AHNAK: variants seen among roughly 807,000 people sequenced by gnomAD.
AHNAK encodes the protein AHNAK nucleoprotein, also known as neuroblast differentiation-associated protein AHNAK.
In AHNAK, 23 loss-of-function variants were observed where a neutral mutation model predicts 37.8. The observed-to-expected ratio is 0.61, with a 90% CI of 0.44 to 0.86. The LOEUF (loss-of-function observed/expected upper bound fraction) is 0.86, where lower values mean the gene tolerates loss of function less well. Among genes scored for constraint, AHNAK ranks in the 40% least tolerant of loss-of-function variants. The pLI is 0.00. For synonymous variants in AHNAK, 2,481 were observed against 2,636.3 expected, an observed-to-expected ratio of 0.94 and a Z score of 1.80; for missense variants, 7,411 against 7,319.4, an observed-to-expected ratio of 1.01 and a Z score of -0.46.
In AHNAK at chr11:62,523,305, C is replaced by A; in HGVS notation, c.11112G>T (p.Glu3704Asp). Residue 3704 changes from glutamate (E) to aspartate (D), a missense_variant, in exon 5 of 5, where the codon GAG becomes GAT. Transcript: ENST00000378024. ...PKVEGDLKGPEVDIKGPKVDI... is the reference protein window; with the variant it reads ...PKVEGDLKGPDVDIKGPKVDI... Reference sequence around the variant, plus strand: ...CCACTTTGGGGCCCTTGATGTCCACCTCAGGGCCTTTTAGATCACCTTCCA... The same window carrying A: ...CCACTTTGGGGCCCTTGATGTCCACATCAGGGCCTTTTAGATCACCTTCCA... 6.2e-7 allele frequency: 1 copy of A among 1,613,596 alleles called. No homozygotes were observed. Among genetic ancestry groups the A allele is most frequent in the Non-Finnish European group, 8.5e-7 (1 of 1,179,864 alleles).
At position 62,535,087 on chromosome 11, in the gene AHNAK, C is replaced by T. The variant is rs79854453; in HGVS notation, c.258G>A (p.Leu86=). The change falls in exon 4 of 5, where the codon CTG becomes CTA. Residue 86 remains leucine, a synonymous_variant. Coordinates refer to ENST00000378024, the MANE Select transcript of AHNAK (RefSeq NM_001620.3). ...TMGHHTVGLK[L]HRKGDRSPEP... Reference sequence around the variant, plus strand: ...CGGGAGAGCGGTCCCCCTTGCGGTGCAGCTTCAGGCCCACCGTGTGGTGCC... The same window carrying T: ...CGGGAGAGCGGTCCCCCTTGCGGTGTAGCTTCAGGCCCACCGTGTGGTGCC... 976 of 1,614,030 alleles carry T rather than the reference C, an allele frequency of 6.0e-4. 17 individuals carry two copies. In the East Asian group the frequency reaches 0.017, roughly 28 times the overall value.
chr11:62,525,113 C>A lies in AHNAK; in HGVS notation c.9304G>T (p.Gly3102Cys). The A allele has an allele frequency of 1.2e-6, 2 of 1,614,134 alleles. No homozygotes were observed. Among genetic ancestry groups the A allele is most frequent in the Non-Finnish European group, 1.7e-6 (2 of 1,180,036 alleles). The change falls in exon 5 of 5, where the codon GGT (glycine) becomes TGT (cysteine). Residue 3102 changes from glycine (G) to cysteine (C), a missense_variant. Coordinates refer to ENST00000378024, the MANE Select transcript of AHNAK (RefSeq NM_001620.3). Reference sequence around the variant, plus strand: ...TCCATGTCACCCTTCACTTTGGGACCTTTCAGGTTAAGATCAATGTCAGGC... The same window carrying A: ...TCCATGTCACCCTTCACTTTGGGACATTTCAGGTTAAGATCAATGTCAGGC... ...SMPDIDLNLK[G>C]PKVKGDMDVS...
At chr11:62,501,899 A>G (rs1003490152) in intron 4 of AHNAK, among the ~76,000 whole-genome samples, 2 of 152,226 alleles carry the variant, frequency 1.3e-5, no homozygotes, top group Admixed American at 6.5e-5. Flanking sequence ...CATCCCAGCC[A>G]GGCTTTCCAG....
At chr11:62,514,646 T>C (rs1011456861), downstream of AHNAK, among the ~76,000 whole-genome samples, 18 of 152,236 alleles carry the variant, frequency 1.2e-4, no homozygotes, top group African/African-American at 4.3e-4. Context: ...ACTCTGGCCC[T>C]ATGAATGCTG....
chr11:62,457,802 C>T (rs1218515682), intron 5 of AHNAK, among the ~76,000 whole-genome samples: 2 of 152,046 alleles, frequency 1.3e-5, no homozygotes, highest in African/African-American at 4.8e-5. Context: ...GGAATGGGGA[C>T]ATGGGCCGAA....
chr11:62,525,366 G>A lies in AHNAK; in HGVS notation c.9051C>T (p.Asp3017=), dbSNP rs1297879287. The change falls in exon 5 of 5, where the codon GAC becomes GAT. Residue 3017 remains aspartate, a synonymous_variant. Coordinates refer to ENST00000378024, the MANE Select transcript of AHNAK (RefSeq NM_001620.3). ...DVPDVGVQGP[D]WHLKMPKVKM... is the part of the protein sequence containing the mutation. ...TCACTTTGGGCATTTTTAGGTGCCAGTCTGGGCCTTGAACGCCCACATCCG... is the reference window on the plus strand; with the variant it reads ...TCACTTTGGGCATTTTTAGGTGCCAATCTGGGCCTTGAACGCCCACATCCG... The A allele has an allele frequency of 1.2e-6, 2 of 1,613,418 alleles. No individual in the cohort carries two copies. The highest frequency in any genetic ancestry group is 2.2e-5 in the East Asian group (1 of 44,846).
intron 5 of AHNAK, among the ~76,000 whole-genome samples, chr11:62,435,815 T>C (rs998576188): frequency 1.3e-5 from 2 of 152,182 alleles, no homozygotes; most frequent in Admixed American, 1.3e-4. Context: ...CCCAAAGTGC[T>C]GGGATTGCAG....
At chr11:62,541,264 C>G (rs534432739) in intron 1 of AHNAK, among the ~76,000 whole-genome samples, 38 of 152,346 alleles carry the variant, frequency 2.5e-4, no homozygotes, top group Admixed American at 1.5e-3. Context: ...AGGCGGGACA[C>G]AGGAGGCAAC....
chr11:62,492,360 T>A (rs938626637), intron 4 of AHNAK, among the ~76,000 whole-genome samples: 2 of 152,116 alleles, frequency 1.3e-5, no homozygotes, highest in Admixed American at 1.3e-4. Flanking sequence ...CCTTACACAG[T>A]AGATCTCCAA....
chr11:62,486,094 C>T (rs1017600240), intron 5 of AHNAK, among the ~76,000 whole-genome samples: 1 of 151,680 alleles, frequency 6.6e-6, no homozygotes, highest in Non-Finnish European at 1.5e-5. Context: ...TAGATGAACC[C>T]TGAAAGTGAA....
intron 5 of AHNAK, among the ~76,000 whole-genome samples, chr11:62,473,390 A>C (rs1299213124): frequency 8.7e-4 from 2 of 2,302 alleles, no homozygotes; most frequent in South Asian, 0.018. Flanking sequence ...ACTCCATCTA[A>C]AAAAAAAAAA....
chr11:62,534,137 C>T, intron 4 of AHNAK, 63 bp from the exon 5 acceptor site: 1 of 1,476,096 alleles, frequency 6.8e-7, no homozygotes, highest in Non-Finnish European at 9.0e-7. Context: ...AGATGCCCGG[C>T]CACAGCCCAG....
In AHNAK at chr11:62,527,675, T is replaced by A; in HGVS notation, c.6742A>T (p.Met2248Leu). ...DWHLKMPKMK[M>L]PKFSMPGFKG... is the part of the protein sequence containing the mutation. ...AAGCCAGGCATGCTGAACTTGGGCA[T>A]TTTCATCTTAGGCATCTTCAGGTGC... is the stretch of plus-strand genomic sequence containing the variant. Residue 2248 changes from methionine (M) to leucine (L), a missense_variant, in exon 5 of 5, where the codon ATG becomes TTG. Transcript: ENST00000378024. 6.2e-7 allele frequency: 1 copy of A among 1,614,026 alleles called. No homozygotes were observed. The highest frequency in any genetic ancestry group is 1.1e-5 in the South Asian group (1 of 91,082).
downstream of AHNAK, among the ~76,000 whole-genome samples, chr11:62,515,433 C>T (rs1939990695): frequency 1.3e-5 from 2 of 152,246 alleles, no homozygotes. Flanking sequence ...AGGAAAATCG[C>T]TTGAACCCAG....
chr11:62,474,075 T>G (rs116566230), intron 5 of AHNAK, among the ~76,000 whole-genome samples: 5,842 of 151,894 alleles, frequency 0.038, 390 homozygotes, highest in African/African-American at 0.13. Context: ...TGTATACATA[T>G]ATCAAATATG....
chr11:62,525,703 G>T lies in AHNAK; in HGVS notation c.8714C>A (p.Pro2905His). The change falls in exon 5 of 5, where the codon CCT becomes CAT. Residue 2905 changes from proline to histidine, a missense_variant. By Grantham distance (77) the Pro-to-His change is moderately conservative. Coordinates refer to ENST00000378024, the MANE Select transcript of AHNAK (RefSeq NM_001620.3). ...TTCAGGGCCCTCTGCTTTGAAGCCA[G>T]GCATGCTGAACTTGGGCATTTTCAT... Reference protein sequence around the residue: ...PKMKMPKFSMPGFKAEGPEVD... With the variant: ...PKMKMPKFSMHGFKAEGPEVD... 1 of 1,613,572 alleles carries T rather than the reference G, an allele frequency of 6.2e-7. No homozygotes were observed. The highest frequency in any genetic ancestry group is 8.5e-7 in the Non-Finnish European group (1 of 1,179,936).
chr11:62,481,643 T>TCTTGGCTCACTGCAAGCTCGG lies in AHNAK; in HGVS notation c.442+10088_442+10089insCCGAGCTTGCAGTGAGCCAAG, dbSNP rs1555024240. 4.0e-5 allele frequency among the ~76,000 whole-genome samples: 6 copies of TCTTGGCTCACTGCAAGCTCGG among 150,978 alleles called. No homozygotes were observed. In the East Asian group the frequency reaches 1.2e-3, roughly 30 times the overall value. Reference sequence around the variant, plus strand: ...CCTAGGCTGGAGTGCAGTGACACGATCTTGGCTCACTGCAAGCTCCGCCTC... The same window carrying TCTTGGCTCACTGCAAGCTCGG: ...CCTAGGCTGGAGTGCAGTGACACGATCTTGGCTCACTGCAAGCTCGGCTTGGCTCACTGCAAGCTCCGCCTC... On this transcript the variant is annotated intron_variant, in intron 5 of 5. Transcript: ENST00000257247.
At position 62,516,159 on chromosome 11, in the gene AHNAK, C is replaced by G; in HGVS notation, c.*585G>C. On this transcript the variant is annotated 3_prime_UTR_variant, in exon 5 of 5. Coordinates refer to ENST00000378024, the MANE Select transcript of AHNAK (RefSeq NM_001620.3). ...TCTAATTTCCTCTCACCGTCAGCACCAAACTGGCTGGGACCACCACCCCTG... is the reference window on the plus strand; with the variant it reads ...TCTAATTTCCTCTCACCGTCAGCACGAAACTGGCTGGGACCACCACCCCTG... 7.8e-7 allele frequency: 1 copy of G among 1,288,944 alleles called. No homozygotes were observed. The highest frequency in any genetic ancestry group is 1.5e-5 in the African/African-American group (1 of 65,922). 79.8% of individuals were successfully genotyped at this position (1,288,944 alleles called of 1,614,324 possible). A position where few individuals can be genotyped will look rare whatever the true frequency, so the allele number is the denominator to read the frequency against.
rs1360216984 is a variant in AHNAK at position 62,526,954 on chromosome 11, T to C, written c.7463A>G (p.Asn2488Ser). 1 of 1,614,134 alleles carries C rather than the reference T, an allele frequency of 6.2e-7. No individual in the cohort carries two copies. Among genetic ancestry groups the C allele is most frequent in the African/African-American group, 1.3e-5 (1 of 75,030 alleles). The change falls in exon 5 of 5, where the codon AAC becomes AGC. Residue 2488 changes from asparagine to serine, a missense_variant. By Grantham distance (46) the Asn-to-Ser change is conservative. Transcript: ENST00000378024. ...TACATCAACTTTGGGGCCCCTGATG[T>C]TCATATCTGGTACTTCAAGTTTACC... is the stretch of plus-strand genomic sequence containing the variant. The part of the protein sequence containing the change: ...VEGKLEVPDM[N>S]IRGPKVDVNA...
Sources: gnomAD v4.1 joint callset for allele counts (sites outside exome capture counted in the v4.1 genomes callset) on GRCh38, gnomAD v4.1.1 for gene constraint, MANE v1.5 for transcripts, NCBI Gene and HGNC (gene_info 2026-07-23, HGNC 2026-07-21) for gene names.